The following NRG3 variants were observed in gnomAD, a reference collection of about 807,000 sequenced individuals.
NRG3 encodes neuregulin 3.
In NRG3, 31 loss-of-function variants were observed where a neutral mutation model predicts 66.9. That is an observed-to-expected ratio of 0.46 (90% CI 0.35 to 0.63). The LOEUF (loss-of-function observed/expected upper bound fraction) is 0.63. Among genes scored for constraint, NRG3 ranks in the 20% least tolerant of loss-of-function variants. The pLI is 0.00. For missense variants in NRG3, 910 were observed against 878.9 expected, an observed-to-expected ratio of 1.04 and a Z score of -0.45; for synonymous variants, 393 against 359.4, an observed-to-expected ratio of 1.09 and a Z score of -1.06.
chr10:81,906,505 G>A (rs904395402), intron 1 of NRG3, among the ~76,000 whole-genome samples: 2 of 152,144 alleles, frequency 1.3e-5, no homozygotes, highest in Admixed American at 1.3e-4. Flanking sequence ...TAGGTGAGAC[G>A]GGGAAGAGCA....
At chr10:82,613,656 A>G (rs1165705996) in intron 2 of NRG3, among the ~76,000 whole-genome samples, 2 of 151,858 alleles carry the variant, frequency 1.3e-5, no homozygotes, top group African/African-American at 4.8e-5. Context: ...CTATAAACAT[A>G]TTTTAAAGTG....
chr10:82,683,021 C>A (rs978384029), intron 2 of NRG3, among the ~76,000 whole-genome samples: 1 of 132,446 alleles, frequency 7.6e-6, no homozygotes, highest in Non-Finnish European at 1.5e-5. Context: ...TGCAGTGGCA[C>A]GATCTCAGCT....
chr10:82,281,143 A>G (rs1480626102), intron 1 of NRG3, among the ~76,000 whole-genome samples: 1 of 152,152 alleles, frequency 6.6e-6, no homozygotes, highest in Non-Finnish European at 1.5e-5. Context: ...TGCAATTTTT[A>G]CCAAGTTTTG....
chr10:82,070,052 C>T (rs143563748), intron 1 of NRG3, among the ~76,000 whole-genome samples: 42 of 152,310 alleles, frequency 2.8e-4, no homozygotes, highest in African/African-American at 9.9e-4. Context: ...GTAGATCTAA[C>T]ACATGCTTTA....
intron 2 of NRG3, among the ~76,000 whole-genome samples, chr10:82,578,238 A>G (rs911285531): frequency 4.7e-5 from 7 of 150,520 alleles, no homozygotes; most frequent in African/African-American, 1.7e-4. Context: ...AATGCCATTT[A>G]TTGTTAAGTT....
At chr10:82,264,415 C>T (rs1042399728) in intron 1 of NRG3, among the ~76,000 whole-genome samples, 4 of 152,110 alleles carry the variant, frequency 2.6e-5, no homozygotes, top group East Asian at 1.9e-4. Context: ...CCCCCACTCC[C>T]GCCCCGCCCG....
At chr10:82,394,760 G>A (rs897876270) in intron 2 of NRG3, among the ~76,000 whole-genome samples, 2 of 152,124 alleles carry the variant, frequency 1.3e-5, no homozygotes, top group Non-Finnish European at 2.9e-5. Flanking sequence ...TAATTAATAG[G>A]TTATTTTGAC....
At chr10:82,640,496 G>T (rs1317799858) in intron 2 of NRG3, among the ~76,000 whole-genome samples, 2 of 152,132 alleles carry the variant, frequency 1.3e-5, no homozygotes, top group Non-Finnish European at 2.9e-5. Flanking sequence ...CCATCATCAG[G>T]TAGTACCTGT....
At chr10:82,820,539 C>A (rs1369854472) in intron 3 of NRG3, among the ~76,000 whole-genome samples, 1 of 152,152 alleles carries the variant, frequency 6.6e-6, no homozygotes, top group African/African-American at 2.4e-5. Context: ...GCATCTCTAG[C>A]AAGACAGCTA....
chr10:82,161,016 C>T (rs926155635), intron 1 of NRG3, among the ~76,000 whole-genome samples: 2 of 151,932 alleles, frequency 1.3e-5, no homozygotes, highest in African/African-American at 4.8e-5. Flanking sequence ...TTGGTGAAGT[C>T]TTTCTGTCTT....
intron 1 of NRG3, among the ~76,000 whole-genome samples, chr10:82,233,189 T>A (rs1629141): frequency 0.5 from 75,954 of 151,814 alleles, 20,158 homozygotes; most frequent in African/African-American, 0.7. Context: ...ACGGTGAAAC[T>A]CCGTCTCTAC....
At chr10:82,634,657 G>GT (rs2133758070) in intron 2 of NRG3, among the ~76,000 whole-genome samples, 1 of 152,230 alleles carries the variant, frequency 6.6e-6, no homozygotes, top group South Asian at 2.1e-4. Context: ...CAGTCCAATG[G>GT]TTTTTCCTGA....
chr10:82,249,336 C>G (rs1210753582), intron 1 of NRG3, among the ~76,000 whole-genome samples: 1 of 152,086 alleles, frequency 6.6e-6, no homozygotes, highest in African/African-American at 2.4e-5. Flanking sequence ...ATATTCACTT[C>G]CCTTTTTGCT....
intron 1 of NRG3, among the ~76,000 whole-genome samples, chr10:81,911,603 GTTT>G (rs796518872): frequency 0.022 from 1,731 of 77,560 alleles, 13 homozygotes; most frequent in African/African-American, 0.077. Context: ...GCACAGACTT[GTTT>G]TTTTTTTTTT....
intron 1 of NRG3, among the ~76,000 whole-genome samples, chr10:82,333,094 G>C (rs535397791): frequency 3.9e-5 from 6 of 152,336 alleles, no homozygotes; most frequent in Non-Finnish European, 7.3e-5. Context: ...GCAGTGAAGT[G>C]TAATGGGAAG....
At chr10:82,771,087 T>G (rs1054301123) in intron 3 of NRG3, among the ~76,000 whole-genome samples, 8 of 152,272 alleles carry the variant, frequency 5.3e-5, no homozygotes, top group Non-Finnish European at 8.8e-5. Flanking sequence ...TGCAAGTGTC[T>G]CAGTACAACC....
At chr10:82,630,106 G>A (rs4933841) in intron 2 of NRG3, among the ~76,000 whole-genome samples, 15,906 of 152,148 alleles carry the variant, frequency 0.1, 1,022 homozygotes, top group Middle Eastern at 0.27. Context: ...AGGGAGTATG[G>A]TGGCAACCAT....
chr10:82,297,570 C>T (rs2134705937), intron 1 of NRG3, among the ~76,000 whole-genome samples: 1 of 152,258 alleles, frequency 6.6e-6, no homozygotes, highest in African/African-American at 2.4e-5. Context: ...CCGATTCTGA[C>T]TAAATTCACC....
chr10:82,635,060 C>T (rs1019363433), intron 2 of NRG3, among the ~76,000 whole-genome samples: 2 of 151,998 alleles, frequency 1.3e-5, no homozygotes, highest in Admixed American at 1.3e-4. Context: ...TTTATAAAGG[C>T]GATCATAAAA....
Sources: gnomAD v4.1 joint callset for allele counts (sites outside exome capture counted in the v4.1 genomes callset) on GRCh38, gnomAD v4.1.1 for gene constraint, MANE v1.5 for transcripts, NCBI Gene and HGNC (gene_info 2026-07-23, HGNC 2026-07-21) for gene names.